The following LGALS7B variants were observed in gnomAD, a reference collection of about 807,000 sequenced individuals.
LGALS7B encodes the protein galectin-7.
In LGALS7B, 1 loss-of-function variant was observed where a neutral mutation model predicts 7.6. That is an observed-to-expected ratio of 0.13 (90% confidence interval 0.05 to 0.62). The LOEUF is 0.62. LGALS7B is among the 20% of genes least tolerant of loss of function. LGALS7B has a pLI of 0.87. For missense variants in LGALS7B, 17 were observed against 109.4 expected, an observed-to-expected ratio of 0.16 and a Z score of 3.77; for synonymous variants, 7 against 49.6, an observed-to-expected ratio of 0.14 and a Z score of 3.61.
At chr19:38,790,335 T>C (rs1328027561) in intron 2 of LGALS7B, among the ~76,000 whole-genome samples, 2 of 152,228 alleles carry the variant, frequency 1.3e-5, no homozygotes, top group Non-Finnish European at 2.9e-5. Flanking sequence ...CCTTCTGCGG[T>C]GTGTGCCTGT....
rs1168283681 is a variant in LGALS7B, at chr19:38,790,725, C to T, written c.132C>T (p.Gly44=). ...ACCTGCTGTGCGGGGAGGAGCAGGG[C>T]TCCGATGCCGCCCTGCATTTCAACC... ...HVNLLCGEEQ[G]SDAALHFNPR... The change falls in exon 3 of 4, where the codon GGC becomes GGT. Residue 44 remains glycine (G), a synonymous_variant. Coordinates refer to ENST00000314980, the MANE Select transcript of LGALS7B (RefSeq NM_001042507.4). 6 of 1,612,460 alleles carry T rather than the reference C, an allele frequency of 3.7e-6. No individual in the cohort carries two copies. In the East Asian group the frequency reaches 1.1e-4, roughly 30 times the overall value.
rs910596122 is a variant in LGALS7B at position 38,790,305 on chromosome 19, G to C, written c.96-384G>C. Among the ~76,000 whole-genome samples, 5 of 152,232 alleles carry C rather than the reference G, an allele frequency of 3.3e-5. No homozygotes were observed. In the East Asian group the frequency reaches 5.8e-4, roughly 18 times the overall value. On this transcript the variant is annotated intron_variant, in intron 2 of 3. Coordinates refer to ENST00000314980, the MANE Select transcript of LGALS7B (RefSeq NM_001042507.4). ...CTGCCTTGGGAATCTAAGCTCCCTG[G>C]TCATTAGTCGCCCACCTCTCCTTCT...
intron 2 of LGALS7B, among the ~76,000 whole-genome samples, chr19:38,790,312 G>T (rs1971252175): frequency 6.6e-6 from 1 of 152,158 alleles, no homozygotes; most frequent in Non-Finnish European, 1.5e-5. Flanking sequence ...CTGGTCATTA[G>T]TCGCCCACCT....
chr19:38,790,204 A>C (rs1971251235), intron 2 of LGALS7B, among the ~76,000 whole-genome samples: 1 of 147,054 alleles, frequency 6.8e-6, no homozygotes, highest in African/African-American at 2.5e-5. Flanking sequence ...GGCTCTTTGG[A>C]AATGAGGGCA....
chr19:38,789,262 C>T (rs1478678910), intron 1 of LGALS7B, 30 bp downstream of exon 1: 1 of 723,578 alleles, frequency 1.4e-6, no homozygotes, highest in Non-Finnish European at 2.0e-6. Context: ...GGGGCGGGGC[C>T]AAGCAGGGAG....
intron 2 of LGALS7B, among the ~76,000 whole-genome samples, chr19:38,790,325 CCTT>C (rs1971252390): frequency 1.3e-5 from 2 of 152,206 alleles, no homozygotes; most frequent in South Asian, 2.1e-4. Flanking sequence ...GCCCACCTCT[CCTT>C]CTGCGGTGTG....
At chr19:38,789,254 G>A in intron 1 of LGALS7B, 22 bp downstream of exon 1, 1 of 815,668 alleles carries the variant, frequency 1.2e-6, no homozygotes, top group Non-Finnish European at 1.7e-6. Flanking sequence ...AGGGGCCCGG[G>A]GCGGGGCCAA....
At position 38,790,872 on chromosome 19, in the gene LGALS7B, G is replaced by C. The variant is rs1260606830; in HGVS notation, c.279G>C (p.Ala93=). ...AGCCCTTCGAGGTGCTCATCATCGC[G>C]TCAGACGACGGCTTCAAGGTGCGTC... is the stretch of plus-strand genomic sequence containing the variant. The part of the protein sequence containing the change: ...RGQPFEVLII[A]SDDGFKAVVG... The change falls in exon 3 of 4, where the codon GCG becomes GCC. Residue 93 remains alanine (A), a synonymous_variant. Transcript: ENST00000314980. The C allele has an allele frequency of 1.9e-6, 3 of 1,594,614 alleles. No homozygotes were observed. The African/African-American group carries it at 4.1e-5, about 22-fold the overall frequency.
chr19:38,790,287 G>A (rs1971251914), intron 2 of LGALS7B, among the ~76,000 whole-genome samples: 1 of 151,996 alleles, frequency 6.6e-6, no homozygotes, highest in African/African-American at 2.4e-5. Flanking sequence ...TGGCTGCCTT[G>A]GGAATCTAAG....
rs943328216 is a variant in LGALS7B, at chr19:38,789,204, G to C, written c.-23G>C. 2.8e-5 allele frequency: 24 copies of C among 853,030 alleles called. No homozygotes were observed. In the Admixed American group the frequency reaches 9.3e-4, roughly 33 times the overall value. The allele number at this position is 853,030 out of a possible 1,614,324, so 52.8% of individuals were successfully genotyped here. A position where few individuals can be genotyped will look rare whatever the true frequency, so the allele number is the denominator to read the frequency against. ...GGTCCCCAGCAGGCCCCACCACCAC[G>C]GCTGCCCAACCCGGTCCCAGCCATG... On this transcript the variant is annotated 5_prime_UTR_variant, in exon 1 of 4. Transcript: ENST00000314980.
intron 2 of LGALS7B, among the ~76,000 whole-genome samples, chr19:38,790,285 T>C (rs1256311789): frequency 6.6e-6 from 1 of 152,022 alleles, no homozygotes; most frequent in Non-Finnish European, 1.5e-5. Context: ...TTTGGCTGCC[T>C]TGGGAATCTA....
rs1459868278 is a variant in LGALS7B, at chr19:38,790,827, C to A, written c.234C>A (p.Gly78=). 6.2e-7 allele frequency: 1 copy of A among 1,606,834 alleles called. No homozygotes were observed. Among genetic ancestry groups the A allele is most frequent in the African/African-American group, 1.3e-5 (1 of 74,696 alleles). Residue 78 remains glycine (G), a synonymous_variant, in exon 3 of 4, where the codon GGC becomes GGA. Coordinates refer to ENST00000314980, the MANE Select transcript of LGALS7B (RefSeq NM_001042507.4). The part of the protein sequence containing the change: ...GSWGREERGP[G]VPFQRGQPFE... The stretch of plus-strand genomic sequence containing the variant: ...GGGGCCGCGAGGAGCGCGGGCCGGG[C>A]GTTCCTTTCCAGCGCGGGCAGCCCT...
intron 2 of LGALS7B, 22 bp from the exon 3 acceptor site, chr19:38,790,667 G>A (rs1329877496): frequency 2.5e-6 from 4 of 1,613,112 alleles, no homozygotes; most frequent in Admixed American, 1.7e-5. Flanking sequence ...GAGCCCTGAC[G>A]GCCACCATCC....
intron 2 of LGALS7B, among the ~76,000 whole-genome samples, chr19:38,790,227 C>T (rs2279143): frequency 0.47 from 68,197 of 146,026 alleles, 13,537 homozygotes; most frequent in Non-Finnish European, 0.53. Flanking sequence ...CTGCCCTAAG[C>T]GTAGTGAGTT....
In LGALS7B at chr19:38,789,252, G is replaced by A. The variant is rs1405064739; in HGVS notation, c.6+20G>A. The A allele has an allele frequency of 6.2e-5, 51 of 822,990 alleles. No homozygotes were observed. The East Asian group carries it at 1.6e-3, about 25-fold the overall frequency. The allele number at this position is 822,990 out of a possible 1,614,324, so 51.0% of individuals were successfully genotyped here. A position where few individuals can be genotyped will look rare whatever the true frequency, so the allele number is the denominator to read the frequency against. On this transcript the variant is annotated intron_variant, in intron 1 of 3. Coordinates refer to ENST00000314980, the MANE Select transcript of LGALS7B (RefSeq NM_001042507.4). ...ATGTCCGTGAGTGCTCCAGGGGCCC[G>A]GGGCGGGGCCAAGCAGGGAGGGGGC...
In LGALS7B at chr19:38,789,371, C is replaced by A. The variant is rs1599977488; in HGVS notation, c.6+139C>A. ...CCGGGTAACCCCCATCCCGACTGTC[C>A]CCTCTACCTCTTTGTGGCTTCCTCT... On this transcript the variant is annotated intron_variant, in intron 1 of 3. Coordinates refer to ENST00000314980, the MANE Select transcript of LGALS7B (RefSeq NM_001042507.4). The A allele has an allele frequency of 8.1e-5, 26 of 321,608 alleles. No homozygotes were observed. In the East Asian group the frequency reaches 1.0e-3, roughly 13 times the overall value. The allele number at this position is 321,608 out of a possible 1,614,324, so 19.9% of individuals were successfully genotyped here.
In LGALS7B at chr19:38,790,764, G is replaced by T. The variant is rs1259487943; in HGVS notation, c.171G>T (p.Thr57=). 6.2e-7 allele frequency: 1 copy of T among 1,611,472 alleles called. No individual in the cohort carries two copies. The highest frequency in any genetic ancestry group is 8.5e-7 in the Non-Finnish European group (1 of 1,179,342). The change falls in exon 3 of 4, where the codon ACG becomes ACT. Residue 57 remains threonine, a synonymous_variant. Transcript: ENST00000314980. ...TGCATTTCAACCCCCGGCTGGACAC[G>T]TCGGAGGTGGTCTTCAACAGCAAGG... ...AALHFNPRLD[T]SEVVFNSKEQ...
At chr19:38,790,402 G>C (rs1379245273) in intron 2 of LGALS7B, 2 of 586,458 alleles carry the variant, frequency 3.4e-6, no homozygotes, top group African/African-American at 3.7e-5. Context: ...CAGCCCATAA[G>C]ACCTTCACTT....
In LGALS7B at chr19:38,790,751, C is replaced by T. The variant is rs764827751; in HGVS notation, c.158C>T (p.Pro53Leu). 18 of 1,610,808 alleles carry T rather than the reference C, an allele frequency of 1.1e-5. No homozygotes were observed. The highest frequency in any genetic ancestry group is 1.7e-4 in the Middle Eastern group (1 of 5,718). ...TCCGATGCCGCCCTGCATTTCAACC[C>T]CCGGCTGGACACGTCGGAGGTGGTC... ...QGSDAALHFNPRLDTSEVVFN... is the reference protein window; with the variant it reads ...QGSDAALHFNLRLDTSEVVFN... The change falls in exon 3 of 4, where the codon CCC (proline) becomes CTC (leucine). Residue 53 changes from proline (P) to leucine (L), a missense_variant. Pro to Leu is a moderately conservative substitution (Grantham distance 98). Transcript: ENST00000314980.
Sources: allele counts gnomAD v4.1 joint callset (sites outside exome capture counted in the v4.1 genomes callset), GRCh38; gene constraint gnomAD v4.1.1; transcripts MANE v1.5; gene names NCBI Gene and HGNC (gene_info 2026-07-23, HGNC 2026-07-21).